INO80: variants seen among roughly 807,000 people sequenced by gnomAD.
The protein encoded by INO80 is chromatin-remodeling ATPase INO80.
A neutral mutation model predicts 203.4 loss-of-function variants in INO80; 20 were observed. The ratio of observed to expected loss-of-function variants is 0.10; its 90% CI spans 0.07 to 0.14. The LOEUF is 0.14. Among genes scored for constraint, INO80 ranks in the 10% least tolerant of loss-of-function variants. The pLI, the probability that INO80 is intolerant of heterozygous loss-of-function variation, is 1.00. For synonymous variants in INO80, 726 were observed against 685.2 expected, an observed-to-expected ratio of 1.06 and a Z score of -0.93; for missense variants, 1,419 against 1,914.4, an observed-to-expected ratio of 0.74 and a Z score of 4.83.
intron 14 of INO80, among the ~76,000 whole-genome samples, chr15:41,063,736 A>G (rs578228662): frequency 4.6e-5 from 7 of 152,298 alleles, no homozygotes; most frequent in Non-Finnish European, 1.0e-4. Context: ...GCGCCACTGC[A>G]CTCCAGCCTG....
chr15:41,048,159 G>A (rs371244143), intron 22 of INO80, 53 bp downstream of exon 22: 8 of 1,356,156 alleles, frequency 5.9e-6, no homozygotes, highest in Non-Finnish European at 8.4e-6. Context: ...AAAACAAAGA[G>A]CATCCTGGTA....
At chr15:41,079,637 C>A in intron 9 of INO80, 64 bp downstream of exon 9, 1 of 1,445,458 alleles carries the variant, frequency 6.9e-7, no homozygotes, top group South Asian at 1.2e-5. Flanking sequence ...TTTCAAAATG[C>A]AAACGAATCT....
chr15:41,011,377 C>T (rs555363630), intron 27 of INO80, among the ~76,000 whole-genome samples: 1 of 152,304 alleles, frequency 6.6e-6, no homozygotes, highest in South Asian at 2.1e-4. Flanking sequence ...ATGTCTCCTC[C>T]ACTAAATAGA....
intron 2 of INO80, 60 bp from the exon 3 acceptor site, chr15:41,095,988 T>C (rs1370731731): frequency 2.6e-5 from 39 of 1,516,210 alleles, no homozygotes; most frequent in Middle Eastern, 1.8e-4. Context: ...AATTTAAAGT[T>C]AGAACTGGAC....
At chr15:41,026,296 T>C (rs1345045678) in intron 25 of INO80, among the ~76,000 whole-genome samples, 3 of 152,182 alleles carry the variant, frequency 2.0e-5, no homozygotes, top group Non-Finnish European at 4.4e-5. Context: ...CTCACATCTG[T>C]GATCCCAGCA....
chr15:41,054,446 A>C (rs2140541932), intron 18 of INO80, among the ~76,000 whole-genome samples: 1 of 152,358 alleles, frequency 6.6e-6, no homozygotes, highest in African/African-American at 2.4e-5. Flanking sequence ...GAATGCTCTT[A>C]AAATCAGAGA....
In INO80 at chr15:40,984,343, C is replaced by T; in HGVS notation, c.3931G>A (p.Glu1311Lys). Residue 1311 changes from glutamate to lysine, a missense_variant, in exon 33 of 36, where the codon GAA (glutamate) becomes AAA (lysine). Physicochemically the swap from Glu to Lys is moderately conservative, Grantham distance 56. Coordinates refer to ENST00000648947, the MANE Select transcript of INO80 (RefSeq NM_017553.3). Reference protein sequence around the residue: ...REKYAEKKKKEDELDGKRRKE... With the variant: ...REKYAEKKKKKDELDGKRRKE... ...CTCCTTTTCCCATCCAATTCATCTT[C>T]TTTTTTCTTCTGGGAACACACGGAT... is the stretch of plus-strand genomic sequence containing the variant. 4 of 1,614,068 alleles carry T rather than the reference C, an allele frequency of 2.5e-6. No homozygotes were observed. The highest frequency in any genetic ancestry group is 3.4e-6 in the Non-Finnish European group (4 of 1,179,950).
At chr15:41,002,187 C>T (rs2043967907) in intron 28 of INO80, among the ~76,000 whole-genome samples, 1 of 152,188 alleles carries the variant, frequency 6.6e-6, no homozygotes. Flanking sequence ...CTCTAAATAA[C>T]ATTCACTGTT....
chr15:41,018,535 T>A (rs1287851655), intron 26 of INO80: 1 of 152,254 alleles, frequency 6.6e-6, no homozygotes, highest in East Asian at 1.9e-4. Context: ...ACTGGACTTC[T>A]TTGTACTGCC....
intron 35 of INO80, among the ~76,000 whole-genome samples, chr15:40,981,919 G>C (rs1395592523): frequency 6.6e-6 from 1 of 152,158 alleles, no homozygotes; most frequent in African/African-American, 2.4e-5. Context: ...CCAGCTCTCT[G>C]TCACCAGTCC....
chr15:41,067,380 T>C (rs1025171312), intron 14 of INO80, among the ~76,000 whole-genome samples: 1 of 152,094 alleles, frequency 6.6e-6, no homozygotes, highest in Admixed American at 6.6e-5. Flanking sequence ...GGCCAAGATC[T>C]TTTATTTTTC....
chr15:41,080,569 A>AT, intron 8 of INO80, among the ~76,000 whole-genome samples: 1 of 152,318 alleles, frequency 6.6e-6, no homozygotes, highest in East Asian at 1.9e-4. Context: ...TAATAAACAG[A>AT]TTGAGGCCGG....
Position 41,085,590 on chromosome 15 carries a change from A to C in INO80, c.659-7T>G. Reference sequence around the variant, plus strand: ...TTCACTTTTTTCAACTTAGCTGCAAAAGAAACAGATGCAACAGGTTGCACT... The same window carrying C: ...TTCACTTTTTTCAACTTAGCTGCAACAGAAACAGATGCAACAGGTTGCACT... On this transcript the variant is annotated splice_polypyrimidine_tract_variant and splice_region_variant and intron_variant, in intron 6 of 35. Coordinates refer to ENST00000648947, the MANE Select transcript of INO80 (RefSeq NM_017553.3). The C allele has an allele frequency of 1.2e-6, 2 of 1,612,434 alleles. No individual in the cohort carries two copies. Among genetic ancestry groups the C allele is most frequent in the Non-Finnish European group, 1.7e-6 (2 of 1,178,950 alleles).
At chr15:40,992,837 T>C (rs1204836397) in intron 29 of INO80, among the ~76,000 whole-genome samples, 1 of 152,210 alleles carries the variant, frequency 6.6e-6, no homozygotes, top group Non-Finnish European at 1.5e-5. Flanking sequence ...GTGTTGCCCA[T>C]GTTGGAGTGC....
chr15:41,075,657 C>T (rs1207981175), intron 9 of INO80, among the ~76,000 whole-genome samples: 5 of 152,006 alleles, frequency 3.3e-5, no homozygotes, highest in Non-Finnish European at 7.4e-5. Context: ...GGTTTCACTG[C>T]GTTAGCCAGG....
chr15:41,098,610 G>A (rs1246948707), intron 1 of INO80, among the ~76,000 whole-genome samples: 1 of 152,088 alleles, frequency 6.6e-6, no homozygotes, highest in African/African-American at 2.4e-5. Context: ...AGGAGGTTGA[G>A]GCTACAGTGA....
At chr15:41,113,359 C>T (rs1049549774) in intron 1 of INO80, among the ~76,000 whole-genome samples, 13 of 152,084 alleles carry the variant, frequency 8.5e-5, no homozygotes, top group Non-Finnish European at 1.8e-4. Context: ...CTCCGCCTCC[C>T]GGGTTCAAGC....
intron 12 of INO80, among the ~76,000 whole-genome samples, chr15:41,071,215 T>C (rs1393683107): frequency 2.6e-5 from 4 of 152,214 alleles, no homozygotes; most frequent in African/African-American, 9.6e-5. Context: ...TGTCAAAGGA[T>C]ATAGCTTTTT....
At position 41,092,152 on chromosome 15, in the gene INO80, C is replaced by A. The variant is rs752353539; in HGVS notation, c.412G>T (p.Ala138Ser). The A allele has an allele frequency of 2.5e-6, 4 of 1,608,152 alleles. No homozygotes were observed. The Admixed American group carries it at 5.0e-5, about 20-fold the overall frequency. Residue 138 changes from alanine (A) to serine (S), a missense_variant, in exon 5 of 36, where the codon GCT becomes TCT. Transcript: ENST00000648947. ...SILLSDESSE[A>S]DSQSEDDDEE... Reference sequence around the variant, plus strand: ...TCATCGTCTTCACTCTGAGAATCAGCCTCGCTGGATTCATCACTTAGCAGA... The same window carrying A: ...TCATCGTCTTCACTCTGAGAATCAGACTCGCTGGATTCATCACTTAGCAGA...
Sources: allele counts gnomAD v4.1 joint callset (sites outside exome capture counted in the v4.1 genomes callset), GRCh38; gene constraint gnomAD v4.1.1; transcripts MANE v1.5; gene names NCBI Gene and HGNC (gene_info 2026-07-23, HGNC 2026-07-21).